The following AMMECR1 variants were observed in gnomAD, a reference collection of about 807,000 sequenced individuals.
AMMECR1 encodes the protein AMMECR nuclear protein 1.
AMMECR1 carries 3 observed loss-of-function variants against 22.5 expected under a neutral mutation model. The observed-to-expected ratio is 0.13, with a 90% confidence interval of 0.06 to 0.35. The LOEUF (loss-of-function observed/expected upper bound fraction) is 0.35. Ranked by LOEUF, AMMECR1 falls within the 10% of genes least tolerant of loss-of-function variation. AMMECR1 has a pLI of 1.00. For missense variants in AMMECR1, 235 were observed against 278.7 expected (o/e 0.84, Z 1.12); for synonymous variants, 130 against 116.7 (o/e 1.11, Z -0.74).
At position 110,381,677 on chromosome X, in the gene AMMECR1, G is replaced by A. The variant is rs1198557270; in HGVS notation, c.-148+44981C>T. Among the ~76,000 whole-genome samples, 5 of 111,505 alleles carry A rather than the reference G, an allele frequency of 4.5e-5. No homozygotes were observed. The Admixed American group carries it at 4.8e-4, about 11-fold the overall frequency. ...GTAAAGACATGGAATCAACATAGGTGCCCATTGATAGTGGATCGGATAAAG... is the reference window on the plus strand; with the variant it reads ...GTAAAGACATGGAATCAACATAGGTACCCATTGATAGTGGATCGGATAAAG... On this transcript the variant is annotated intron_variant, in intron 2 of 7. Coordinates refer to the AMMECR1 transcript ENST00000372057.
intron 1 of AMMECR1, among the ~76,000 whole-genome samples, chrX:110,295,661 C>T (rs1239971347): frequency 2.7e-5 from 3 of 111,725 alleles, no homozygotes; most frequent in African/African-American, 9.7e-5. Context: ...CATGCCAAAG[C>T]ACTGAAATTT....
At chrX:110,337,821 T>G (rs113801532) in intron 2 of AMMECR1, among the ~76,000 whole-genome samples, 8 of 112,106 alleles carry the variant, frequency 7.1e-5, no homozygotes, top group Admixed American at 5.7e-4. Flanking sequence ...CTCAAGTGTC[T>G]ATCAACAGAT....
intron 2 of AMMECR1, among the ~76,000 whole-genome samples, chrX:110,341,053 G>A (rs1261623512): frequency 1.8e-5 from 2 of 112,407 alleles, no homozygotes; most frequent in African/African-American, 3.2e-5. Flanking sequence ...GAAGTTGATG[G>A]CAGCAACTAT....
chrX:110,367,710 C>T (rs1056075225), intron 2 of AMMECR1, among the ~76,000 whole-genome samples: 19 of 111,292 alleles, frequency 1.7e-4, no homozygotes, highest in Middle Eastern at 4.6e-3. Context: ...TTTATCCATT[C>T]TTCTGGTTAT....
At chrX:110,350,857 C>A (rs1318683069) in intron 2 of AMMECR1, among the ~76,000 whole-genome samples, 1 of 110,080 alleles carries the variant, frequency 9.1e-6, no homozygotes, top group Non-Finnish European at 1.9e-5. Context: ...CCTGTGATCC[C>A]AGCTACTCAG....
chrX:110,365,011 G>T (rs755190242), intron 2 of AMMECR1, among the ~76,000 whole-genome samples: 1 of 111,815 alleles, frequency 8.9e-6, no homozygotes, highest in South Asian at 3.8e-4. Context: ...AAACAGTAGG[G>T]ACTTCCTGTA....
intron 1 of AMMECR1, among the ~76,000 whole-genome samples, chrX:110,265,489 T>A (rs2067763902): frequency 8.9e-6 from 1 of 112,134 alleles, no homozygotes; most frequent in African/African-American, 3.2e-5. Flanking sequence ...TGGTTTTAGA[T>A]GAAGTTTAAT....
intron 1 of AMMECR1, among the ~76,000 whole-genome samples, chrX:110,270,065 G>A (rs1412298458): frequency 3.6e-5 from 4 of 111,385 alleles, no homozygotes; most frequent in Non-Finnish European, 5.7e-5. Context: ...TGTGTGCAGG[G>A]AGAGGGAGAG....
At chrX:110,430,568 C>T (rs1304577491) in intron 1 of AMMECR1, among the ~76,000 whole-genome samples, 1 of 111,762 alleles carries the variant, frequency 8.9e-6, no homozygotes, top group Non-Finnish European at 1.9e-5. Context: ...AAGAGGTCAA[C>T]AGTAGTGACA....
intron 2 of AMMECR1, among the ~76,000 whole-genome samples, chrX:110,373,707 T>G (rs1300961430): frequency 8.9e-6 from 1 of 111,991 alleles, no homozygotes; most frequent in African/African-American, 3.2e-5. Context: ...GAAAGAACTT[T>G]AAAATGTTGT....
chrX:110,208,553 A>C (rs1344893962), intron 3 of AMMECR1, among the ~76,000 whole-genome samples: 1 of 112,073 alleles, frequency 8.9e-6, no homozygotes, highest in East Asian at 2.8e-4. Flanking sequence ...CTACTTGTCT[A>C]TCAGGAACAA....
intron 3 of AMMECR1, among the ~76,000 whole-genome samples, chrX:110,209,185 T>C (rs2067435624): frequency 1.8e-5 from 2 of 111,357 alleles, no homozygotes; most frequent in African/African-American, 6.5e-5. Flanking sequence ...TTAAGAAAAA[T>C]AAAATTGTAT....
chrX:110,230,901 C>T (rs1396384457), intron 2 of AMMECR1, among the ~76,000 whole-genome samples: 1 of 111,739 alleles, frequency 8.9e-6, no homozygotes, highest in Non-Finnish European at 1.9e-5. Context: ...GCTTCAAGAG[C>T]CGATTCAATC....
At chrX:110,382,350 A>G (rs2068426128) in intron 2 of AMMECR1, among the ~76,000 whole-genome samples, 1 of 111,012 alleles carries the variant, frequency 9.0e-6, no homozygotes, top group Admixed American at 9.6e-5. Context: ...AGCAACCCAA[A>G]CACCACCACC....
chrX:110,411,008 G>A (rs2068638439), intron 2 of AMMECR1, among the ~76,000 whole-genome samples: 1 of 112,335 alleles, frequency 8.9e-6, no homozygotes, highest in South Asian at 3.7e-4. Context: ...AGTCTTCTGT[G>A]TCCAAAGCTG....
At chrX:110,372,042 G>A (rs1013942081) in intron 2 of AMMECR1, among the ~76,000 whole-genome samples, 5 of 111,153 alleles carry the variant, frequency 4.5e-5, no homozygotes, top group Admixed American at 2.9e-4. Context: ...CCAGCTCCTA[G>A]GACAATGTGG....
chrX:110,211,506 C>G (rs1348922332), intron 3 of AMMECR1, among the ~76,000 whole-genome samples: 1 of 111,929 alleles, frequency 8.9e-6, no homozygotes, highest in Non-Finnish European at 1.9e-5. Flanking sequence ...TTGGCAGGCT[C>G]CAACATGCTG....
intron 3 of AMMECR1, 82 bp downstream of exon 3, chrX:110,216,432 TGAAA>T: frequency 1.6e-6 from 1 of 641,615 alleles, no homozygotes; most frequent in East Asian, 3.4e-5. Context: ...GAGAATGGGC[TGAAA>T]GAGTTATTTT....
At chrX:110,207,206 C>T (rs776368048) in intron 3 of AMMECR1, among the ~76,000 whole-genome samples, 3 of 111,321 alleles carry the variant, frequency 2.7e-5, no homozygotes, top group African/African-American at 9.8e-5. Flanking sequence ...GGGTCTGACC[C>T]AGAGTCTGGT....
Sources: allele counts gnomAD v4.1 joint callset (sites outside exome capture counted in the v4.1 genomes callset), GRCh38; gene constraint gnomAD v4.1.1; transcripts MANE v1.5; gene names NCBI Gene and HGNC (gene_info 2026-07-23, HGNC 2026-07-21).